Variants in GALNTL6 observed in about 807,000 individuals in gnomAD.
GALNTL6 encodes polypeptide N-acetylgalactosaminyltransferase like 6.
GALNTL6 carries 46 observed loss-of-function variants against 73.7 expected under a neutral mutation model. That is an observed-to-expected ratio of 0.62 (90% CI 0.49 to 0.80). The LOEUF (loss-of-function observed/expected upper bound fraction) is 0.80, where lower values mean the gene tolerates loss of function less well. GALNTL6 is among the 30% of genes least tolerant of loss of function. The probability of loss-of-function intolerance (pLI) is 0.00; values close to 1 mark genes in which losing one functional copy is unlikely to be tolerated. For synonymous variants in GALNTL6, 259 were observed against 263.7 expected, an observed-to-expected ratio of 0.98 and a Z score of 0.17; for missense variants, 604 against 755.0, an observed-to-expected ratio of 0.80 and a Z score of 2.34.
chr4:172,058,023 TCAG>T, intron 2 of GALNTL6, among the ~76,000 whole-genome samples: 1 of 152,142 alleles, frequency 6.6e-6, no homozygotes, highest in African/African-American at 2.4e-5. Flanking sequence ...GCTATATAAA[TCAG>T]CAACTACACA....
At chr4:172,983,512 T>C (rs971147159) in intron 10 of GALNTL6, among the ~76,000 whole-genome samples, 1 of 152,132 alleles carries the variant, frequency 6.6e-6, no homozygotes, top group African/African-American at 2.4e-5. Context: ...CTGGCCAACA[T>C]GGTGAAACCT....
At position 171,862,608 on chromosome 4, in the gene GALNTL6, G is replaced by A. The variant is rs531443801; in HGVS notation, c.138+47890G>A. The stretch of plus-strand genomic sequence containing the variant: ...GACTAGACCAAGGCTTTTTTTAAAC[G>A]TAAATGACTTATGGTATTGAAATTA... On this transcript the variant is annotated intron_variant, in intron 2 of 12. Transcript: ENST00000506823. Among the ~76,000 whole-genome samples the A allele has an allele frequency of 7.2e-5, 11 of 152,010 alleles. No homozygotes were observed. The East Asian group carries it at 7.7e-4, about 11-fold the overall frequency.
chr4:172,251,743 A>G (rs1158571032), intron 3 of GALNTL6, among the ~76,000 whole-genome samples: 1 of 152,156 alleles, frequency 6.6e-6, no homozygotes, highest in Non-Finnish European at 1.5e-5. Flanking sequence ...GCAACAGAAT[A>G]TTCACCTCCT....
At chr4:172,845,053 A>G (rs1478300606) in intron 7 of GALNTL6, among the ~76,000 whole-genome samples, 1 of 151,852 alleles carries the variant, frequency 6.6e-6, no homozygotes, top group Non-Finnish European at 1.5e-5. Flanking sequence ...ATCTCTACTA[A>G]AAACAAAAAC....
At chr4:172,667,139 T>G (rs962263732) in intron 5 of GALNTL6, 2 of 152,282 alleles carry the variant, frequency 1.3e-5, no homozygotes, top group East Asian at 1.9e-4. Flanking sequence ...CACATCTTCC[T>G]TCCTCTGCCA....
intron 12 of GALNTL6, among the ~76,000 whole-genome samples, chr4:173,026,246 G>T (rs1429051603): frequency 6.6e-6 from 1 of 152,124 alleles, no homozygotes; most frequent in Non-Finnish European, 1.5e-5. Context: ...CCAATAAAGG[G>T]TGCATTATCA....
chr4:172,779,996 C>T (rs1739291540), intron 5 of GALNTL6, among the ~76,000 whole-genome samples: 4 of 152,086 alleles, frequency 2.6e-5, no homozygotes, highest in South Asian at 2.1e-4. Context: ...GCCATTACTT[C>T]ACTACATAAT....
chr4:172,710,351 A>G (rs1233106503), intron 5 of GALNTL6, among the ~76,000 whole-genome samples: 1 of 152,180 alleles, frequency 6.6e-6, no homozygotes, highest in African/African-American at 2.4e-5. Flanking sequence ...TTTCATTTGA[A>G]TTCTATTTGT....
chr4:172,918,923 C>T (rs1367958438), intron 8 of GALNTL6, among the ~76,000 whole-genome samples: 1 of 152,156 alleles, frequency 6.6e-6, no homozygotes, highest in East Asian at 1.9e-4. Flanking sequence ...CATTATAAAC[C>T]TTCAAGAGTT....
intron 5 of GALNTL6, among the ~76,000 whole-genome samples, chr4:172,803,926 T>TA (rs1328184368): frequency 6.6e-6 from 1 of 152,194 alleles, no homozygotes; most frequent in East Asian, 1.9e-4. Context: ...GAAATGCCTA[T>TA]AGTCAAATGC....
At chr4:172,935,081 A>G (rs908837880) in intron 9 of GALNTL6, among the ~76,000 whole-genome samples, 3 of 152,174 alleles carry the variant, frequency 2.0e-5, no homozygotes, top group African/African-American at 7.2e-5. Context: ...GGCTAAACAT[A>G]CCAGCTGATT....
At chr4:172,856,806 T>C (rs1428244425) in intron 7 of GALNTL6, among the ~76,000 whole-genome samples, 1 of 152,204 alleles carries the variant, frequency 6.6e-6, no homozygotes. Context: ...CTTTCACAGC[T>C]TTTACAAGAA....
At chr4:172,174,689 A>G (rs1734937602) in intron 2 of GALNTL6, among the ~76,000 whole-genome samples, 1 of 152,214 alleles carries the variant, frequency 6.6e-6, no homozygotes, top group Non-Finnish European at 1.5e-5. Context: ...ATAATCATAA[A>G]GCAACTAAGT....
intron 7 of GALNTL6, among the ~76,000 whole-genome samples, chr4:172,852,463 A>G (rs754087160): frequency 6.6e-6 from 1 of 152,164 alleles, no homozygotes; most frequent in Non-Finnish European, 1.5e-5. Context: ...TAAGCAAGAC[A>G]GTGCTAGGAT....
chr4:172,896,760 A>T (rs779270086), intron 8 of GALNTL6, among the ~76,000 whole-genome samples: 1 of 152,164 alleles, frequency 6.6e-6, no homozygotes, highest in African/African-American at 2.4e-5. Context: ...GCAATTTGGC[A>T]TCAGAGACTG....
chr4:172,706,060 T>C (rs12501331), intron 5 of GALNTL6, among the ~76,000 whole-genome samples: 62,705 of 151,894 alleles, frequency 0.41, 15,762 homozygotes, highest in East Asian at 0.68. Flanking sequence ...GAATAAGCTT[T>C]CTACCCCTTG....
At chr4:172,306,506 T>C (rs757469414) in intron 3 of GALNTL6, among the ~76,000 whole-genome samples, 20 of 152,300 alleles carry the variant, frequency 1.3e-4, no homozygotes, top group Middle Eastern at 3.4e-3. Context: ...AAACAGGTGG[T>C]GTTTGTTTAC....
chr4:172,135,197 T>C (rs182043797), intron 2 of GALNTL6, among the ~76,000 whole-genome samples: 2 of 152,270 alleles, frequency 1.3e-5, no homozygotes, highest in Non-Finnish European at 2.9e-5. Flanking sequence ...TTTTGATATA[T>C]TAGTTTTTAT....
At chr4:172,720,356 C>T (rs537801036) in intron 5 of GALNTL6, among the ~76,000 whole-genome samples, 1 of 152,136 alleles carries the variant, frequency 6.6e-6, no homozygotes, top group Non-Finnish European at 1.5e-5. Flanking sequence ...GCTTCCCGCC[C>T]GCCATTCAAA....
Sources: allele counts gnomAD v4.1 joint callset (sites outside exome capture counted in the v4.1 genomes callset), GRCh38; gene constraint gnomAD v4.1.1; transcripts MANE v1.5; gene names NCBI Gene and HGNC (gene_info 2026-07-23, HGNC 2026-07-21).